Variants in CLPTM1 observed in about 807,000 individuals in gnomAD.
CLPTM1 encodes the protein putative lipid scramblase CLPTM1.
In CLPTM1, 21 loss-of-function variants were observed where a neutral mutation model predicts 77.3. The observed-to-expected ratio is 0.27, with a 90% CI of 0.19 to 0.39. The LOEUF (loss-of-function observed/expected upper bound fraction) is 0.39, where lower values mean the gene tolerates loss of function less well. CLPTM1 is among the 10% of genes least tolerant of loss of function. The probability of loss-of-function intolerance (pLI) is 1.00; values close to 1 mark genes in which losing one functional copy is unlikely to be tolerated. For synonymous variants in CLPTM1, 373 were observed against 381.0 expected (o/e 0.98, Z 0.24); for missense variants, 642 against 921.2 (o/e 0.70, Z 3.92).
At chr19:44,983,434 C>A (rs1265078899) in intron 5 of CLPTM1, among the ~76,000 whole-genome samples, 7 of 151,356 alleles carry the variant, frequency 4.6e-5, no homozygotes, top group Admixed American at 4.0e-4. Flanking sequence ...GCCTGGGCAA[C>A]ATGGTGACAC....
At chr19:44,965,391 G>A (rs545781009) in intron 2 of CLPTM1, among the ~76,000 whole-genome samples, 20 of 151,024 alleles carry the variant, frequency 1.3e-4, no homozygotes, top group South Asian at 1.3e-3. Context: ...CCAGCTACTC[G>A]GGAGGCTGAG....
intron 6 of CLPTM1, among the ~76,000 whole-genome samples, 169 bp downstream of exon 6, chr19:44,985,472 G>A (rs1970963308): frequency 6.6e-6 from 1 of 152,196 alleles, no homozygotes; most frequent in Non-Finnish European, 1.5e-5. Flanking sequence ...AATGGGGTCA[G>A]GAGGCAGCTG....
At chr19:44,980,879 C>CT (rs1970885156) in intron 5 of CLPTM1, among the ~76,000 whole-genome samples, 1 of 151,360 alleles carries the variant, frequency 6.6e-6, no homozygotes, top group Non-Finnish European at 1.5e-5. Flanking sequence ...GCTCTGTTGC[C>CT]CAGGCTGGAG....
chr19:44,991,315 G>A lies in CLPTM1; in HGVS notation c.1497G>A (p.Glu499=), dbSNP rs1430194337. ...CCGTCTACAGTCTTCTGTACCTGGAGCACAAGGGCTGGTACTCCTGGGTGC... is the reference window on the plus strand; with the variant it reads ...CCGTCTACAGTCTTCTGTACCTGGAACACAAGGGCTGGTACTCCTGGGTGC... ...CYAVYSLLYL[E]HKGWYSWVLS... Residue 499 remains glutamate, a synonymous_variant, in exon 12 of 14, where the codon GAG becomes GAA. Coordinates refer to ENST00000337392, the MANE Select transcript of CLPTM1 (RefSeq NM_001294.4). The surrounding 1 kb of genome is among the most constrained non-coding windows in gnomAD (Gnocchi z 5.4). 1.9e-6 allele frequency: 3 copies of A among 1,614,050 alleles called. No individual in the cohort carries two copies. Among genetic ancestry groups the A allele is most frequent in the Non-Finnish European group, 8.5e-7 (1 of 1,179,986 alleles).
rs755667948 is a variant in CLPTM1 at position 44,974,494 on chromosome 19, C to T, written c.365C>T (p.Ser122Leu). 5.8e-5 allele frequency: 93 copies of T among 1,614,038 alleles called. No homozygotes were observed. Among genetic ancestry groups the T allele is most frequent in the Non-Finnish European group, 7.6e-5 (90 of 1,180,032 alleles). Residue 122 changes from serine to leucine, a missense_variant, in exon 4 of 14, where the codon TCG becomes TTG. Physicochemically the swap from Ser to Leu is moderately radical, Grantham distance 145. Around this residue, in one of 2 missense-constraint regions of CLPTM1, gnomAD observed 521 missense variants for 800.4 expected, o/e 0.65. Coordinates refer to ENST00000337392, the MANE Select transcript of CLPTM1 (RefSeq NM_001294.4). ...HEHFTDFNAT[S>L]ALFWEQHDLV... The stretch of plus-strand genomic sequence containing the variant: ...CACTTTACAGACTTCAACGCCACGT[C>T]GGCACTCTTCTGGGAACAGCACGAT...
At chr19:44,955,599 C>A in intron 1 of CLPTM1, 132 bp downstream of exon 1, 1 of 946,134 alleles carries the variant, frequency 1.1e-6, no homozygotes, top group Non-Finnish European at 1.4e-6. Flanking sequence ...GAATACCCGG[C>A]CCAGGCAGGG....
At chr19:44,974,292 C>G (rs1970771023) in intron 3 of CLPTM1, 147 bp from the exon 4 acceptor site, 1 of 676,752 alleles carries the variant, frequency 1.5e-6, no homozygotes, top group Non-Finnish European at 2.4e-6. Context: ...GAAAATATGT[C>G]CTCTCTGCTG....
At chr19:44,970,509 C>G (rs1970701421) in intron 2 of CLPTM1, among the ~76,000 whole-genome samples, 1 of 144,242 alleles carries the variant, frequency 6.9e-6, no homozygotes, top group Non-Finnish European at 1.5e-5. Flanking sequence ...AGGTGATTCT[C>G]CCACCTCAGC....
intron 1 of CLPTM1, among the ~76,000 whole-genome samples, chr19:44,958,365 T>G (rs1047800209): frequency 1.3e-5 from 2 of 150,502 alleles, no homozygotes; most frequent in African/African-American, 4.9e-5. Context: ...CTGAGGGAAA[T>G]AGGAGCTGAA....
intron 5 of CLPTM1, among the ~76,000 whole-genome samples, chr19:44,978,714 T>C (rs1970844719): frequency 6.6e-6 from 1 of 152,202 alleles, no homozygotes; most frequent in Admixed American, 6.5e-5. Flanking sequence ...CACTAATCCA[T>C]GAATGGGTTA....
chr19:44,987,877 C>T (rs970202403), intron 8 of CLPTM1: 4 of 608,104 alleles, frequency 6.6e-6, no homozygotes, highest in African/African-American at 5.5e-5. Context: ...TGCCTCTTCC[C>T]CTAGTGCCAT....
chr19:44,958,286 A>G (rs1052791868), intron 1 of CLPTM1, among the ~76,000 whole-genome samples: 4 of 150,666 alleles, frequency 2.7e-5, no homozygotes, highest in African/African-American at 9.8e-5. Flanking sequence ...GTGAGGGGAG[A>G]GGGGTGGCTG....
upstream of CLPTM1, chr19:44,955,326 C>T (rs1568637926): frequency 7.6e-7 from 1 of 1,308,704 alleles, no homozygotes; most frequent in Non-Finnish European, 9.8e-7. Flanking sequence ...CGTGAAATCT[C>T]GCGCGATTGC....
intron 2 of CLPTM1, among the ~76,000 whole-genome samples, chr19:44,964,645 C>T (rs546548025): frequency 6.6e-6 from 1 of 152,256 alleles, no homozygotes; most frequent in East Asian, 1.9e-4. Flanking sequence ...AGTCCTGTGG[C>T]ATTAAGTACA....
At position 44,986,443 on chromosome 19, in the gene CLPTM1, A is replaced by G. The variant is rs753990695; in HGVS notation, c.673-12A>G. The G allele has an allele frequency of 6.8e-6, 11 of 1,613,276 alleles. No homozygotes were observed. The South Asian group carries it at 1.1e-4, about 16-fold the overall frequency. On this transcript the variant is annotated splice_polypyrimidine_tract_variant and intron_variant, in intron 6 of 13. Transcript: ENST00000337392. ...ACCTGCCTCTGAGGTCCTTCCCCCCATGTTGCCTCAGAGGGCTGAGGACTA... is the reference window on the plus strand; with the variant it reads ...ACCTGCCTCTGAGGTCCTTCCCCCCGTGTTGCCTCAGAGGGCTGAGGACTA...
At chr19:44,976,477 C>T (rs1269323422) in intron 4 of CLPTM1, among the ~76,000 whole-genome samples, 2 of 152,194 alleles carry the variant, frequency 1.3e-5, no homozygotes, top group Non-Finnish European at 2.9e-5. Flanking sequence ...GCCTGGGCAA[C>T]ACAGGAAGAC....
At chr19:44,962,668 C>T (rs1166432163) in intron 2 of CLPTM1, among the ~76,000 whole-genome samples, 1 of 152,066 alleles carries the variant, frequency 6.6e-6, no homozygotes, top group Admixed American at 6.6e-5. Flanking sequence ...AATGACTCAC[C>T]CTCATAATCC....
At chr19:44,987,119 C>G in intron 7 of CLPTM1, 60 bp from the exon 8 acceptor site, 1 of 1,563,246 alleles carries the variant, frequency 6.4e-7, no homozygotes, top group Non-Finnish European at 8.7e-7. Context: ...ACATCTGAGG[C>G]CTGCGGGTAC....
chr19:44,968,987 C>G (rs1484462230), intron 2 of CLPTM1, among the ~76,000 whole-genome samples: 1 of 152,160 alleles, frequency 6.6e-6, no homozygotes, highest in Non-Finnish European at 1.5e-5. Flanking sequence ...AGTTCCTGTG[C>G]CTGATCCTGC....
Sources: allele counts gnomAD v4.1 joint callset (sites outside exome capture counted in the v4.1 genomes callset), GRCh38; gene constraint gnomAD v4.1.1; regional missense constraint gnomAD v4.1.1; non-coding constraint Gnocchi (gnomAD v3.1); transcripts MANE v1.5; gene names NCBI Gene and HGNC (gene_info 2026-07-23, HGNC 2026-07-21).